The following MAU2 variants were observed in gnomAD, a reference collection of about 807,000 sequenced individuals.
The protein encoded by MAU2 is MAU2 sister chromatid cohesion factor, also known as MAU2 chromatid cohesion factor homolog.
Under a neutral mutation model 89.1 loss-of-function variants are expected in MAU2, and 9 were observed. That is an observed-to-expected ratio of 0.10 (90% CI 0.06 to 0.18). The LOEUF is 0.18. Ranked by LOEUF, MAU2 falls within the 10% of genes least tolerant of loss-of-function variation. The probability of loss-of-function intolerance (pLI) is 1.00; values close to 1 mark genes in which losing one functional copy is unlikely to be tolerated. For missense variants in MAU2, 425 were observed against 803.5 expected (o/e 0.53, Z 5.69); for synonymous variants, 357 against 343.4 (o/e 1.04, Z -0.44).
chr19:19,334,078 C>T lies in MAU2; in HGVS notation c.277-1640C>T, dbSNP rs1035739077. On this transcript the variant is annotated intron_variant, in intron 1 of 18. Transcript: ENST00000262815. ...CTTCCAGAGCTTCTTGTGTTAGACCCGGCTTCTCAGTGGGATGCAGCAGCT... is the reference window on the plus strand; with the variant it reads ...CTTCCAGAGCTTCTTGTGTTAGACCTGGCTTCTCAGTGGGATGCAGCAGCT... 3.7e-5 allele frequency: 28 copies of T among 747,866 alleles called. No individual in the cohort carries two copies. In the South Asian group the frequency reaches 9.0e-4, roughly 24 times the overall value. 46.3% of individuals were successfully genotyped at this position (747,866 alleles called of 1,614,324 possible). A position where few individuals can be genotyped will look rare whatever the true frequency, so the allele number is the denominator to read the frequency against.
chr19:19,332,588 G>A (rs1016844751), intron 1 of MAU2, among the ~76,000 whole-genome samples: 9 of 95,848 alleles, frequency 9.4e-5, no homozygotes, highest in Admixed American at 2.1e-4. Flanking sequence ...ACCCACTGAC[G>A]CTAGTGGACG....
At position 19,336,132 on chromosome 19, in the gene MAU2, T is replaced by C; in HGVS notation, c.305T>C (p.Phe102Ser). The change falls in exon 3 of 19, where the codon TTC becomes TCC. Residue 102 changes from phenylalanine to serine, a missense_variant. Coordinates refer to ENST00000262815, the MANE Select transcript of MAU2 (RefSeq NM_015329.4). ...AWLISQQIPQ[F>S]EDVKFEAASL... ...ACTGGACGTCACTAGATCCCGCAGTTCGAAGATGTTAAATTTGAAGCAGCA... is the reference window on the plus strand; with the variant it reads ...ACTGGACGTCACTAGATCCCGCAGTCCGAAGATGTTAAATTTGAAGCAGCA... 1 of 1,613,040 alleles carries C rather than the reference T, an allele frequency of 6.2e-7. No individual in the cohort carries two copies. Among genetic ancestry groups the C allele is most frequent in the Non-Finnish European group, 8.5e-7 (1 of 1,179,204 alleles).
chr19:19,329,020 G>T (rs1480608692), intron 1 of MAU2: 2 of 456,024 alleles, frequency 4.4e-6, no homozygotes, highest in Admixed American at 4.7e-5. Flanking sequence ...GCTCCAGACT[G>T]TGCTGGTCAG....
chr19:19,325,004 T>A (rs1002202850), intron 1 of MAU2, among the ~76,000 whole-genome samples: 16 of 152,166 alleles, frequency 1.1e-4, no homozygotes, highest in African/African-American at 3.6e-4. Flanking sequence ...TCGTATGTTC[T>A]CCGCTTAGAG....
intron 1 of MAU2, chr19:19,334,332 G>C (rs1057448916): frequency 6.3e-5 from 62 of 985,702 alleles, no homozygotes; most frequent in African/African-American, 1.4e-4. Flanking sequence ...CTGGGCTCCT[G>C]CGTGTGGGTG....
chr19:19,349,106 C>G, intron 14 of MAU2, 49 bp from the exon 15 acceptor site: 1 of 1,607,758 alleles, frequency 6.2e-7, no homozygotes, highest in Non-Finnish European at 8.5e-7. Flanking sequence ...GTTTTGTAAA[C>G]CTGCTTCTCA....
intron 16 of MAU2, chr19:19,353,883 T>G (rs2061763654): frequency 5.5e-6 from 1 of 181,706 alleles, no homozygotes. Flanking sequence ...ATTGGAGGAT[T>G]CTTACATGCT....
At chr19:19,343,677 C>T (rs2061671151) in intron 9 of MAU2, among the ~76,000 whole-genome samples, 160 bp from the exon 10 acceptor site, 1 of 152,226 alleles carries the variant, frequency 6.6e-6, no homozygotes, top group Non-Finnish European at 1.5e-5. Context: ...CAGCAAGACA[C>T]ACTCCTTCAC....
chr19:19,327,121 CTTTTTT>C lies in MAU2; in HGVS notation c.276+6000_276+6005del, dbSNP rs768273058. 1.1e-4 allele frequency among the ~76,000 whole-genome samples: 13 copies of C among 114,276 alleles called. No individual in the cohort carries two copies. In the Admixed American group the frequency reaches 1.2e-3, roughly 11 times the overall value. 75.0% of individuals were successfully genotyped at this position (114,276 alleles called of 152,430 possible). ...CCACCACACACAGCCTCCCCAGGAG[CTTTTTT>C]TTTTTTTTTTTTTAGATGGACTCTC... On this transcript the variant is annotated intron_variant, in intron 1 of 18. Coordinates refer to ENST00000262815, the MANE Select transcript of MAU2 (RefSeq NM_015329.4).
intron 1 of MAU2, 32 bp downstream of exon 1, chr19:19,321,167 C>G (rs1443979049): frequency 1.3e-6 from 2 of 1,550,288 alleles, no homozygotes; most frequent in Admixed American, 3.7e-5. Context: ...AGGGAGGAGT[C>G]GCGGGCTCCT....
rs542562979 is a variant in MAU2 at position 19,321,297 on chromosome 19, G to A, written c.276+162G>A. On this transcript the variant is annotated intron_variant, in intron 1 of 18. Transcript: ENST00000262815. ...CCACCCGCCTCTGCCGGACCCCAAA[G>A]CCACCAGCCTCTCAAGGGACACGAA... 2.0e-5 allele frequency among the ~76,000 whole-genome samples: 3 copies of A among 152,310 alleles called. No homozygotes were observed. In the East Asian group the frequency reaches 5.8e-4, roughly 29 times the overall value.
rs558052710 is a variant in MAU2 at position 19,357,410 on chromosome 19, G to C, written c.*1628G>C. On this transcript the variant is annotated 3_prime_UTR_variant, in exon 19 of 19. Coordinates refer to ENST00000262815, the MANE Select transcript of MAU2 (RefSeq NM_015329.4). Reference sequence around the variant, plus strand: ...TGTCCTGTCTTCCTCCCGAGCCATGGCCTCTGCTAGCTCCACCTTGAAGGA... The same window carrying C: ...TGTCCTGTCTTCCTCCCGAGCCATGCCCTCTGCTAGCTCCACCTTGAAGGA... The C allele has an allele frequency of 1.3e-5, 2 of 152,600 alleles. No individual in the cohort carries two copies. The highest frequency in any genetic ancestry group is 3.9e-4 in the East Asian group (2 of 5,164). 9.5% of individuals were successfully genotyped at this position (152,600 alleles called of 1,614,324 possible).
chr19:19,329,035 T>C, intron 1 of MAU2: 1 of 456,074 alleles, frequency 2.2e-6, no homozygotes. Flanking sequence ...GGTCAGATAC[T>C]TAATTCTGCA....
intron 8 of MAU2, 30 bp downstream of exon 8, chr19:19,342,711 C>T (rs768203707): frequency 1.2e-5 from 20 of 1,612,512 alleles, no homozygotes; most frequent in East Asian, 6.7e-5. Flanking sequence ...CGGGCCAGGG[C>T]TGGGGGCGGG....
At position 19,342,591 on chromosome 19, in the gene MAU2, C is replaced by G; in HGVS notation, c.792C>G (p.Ser264=). 4 of 1,612,672 alleles carry G rather than the reference C, an allele frequency of 2.5e-6. No individual in the cohort carries two copies. The South Asian group carries it at 4.4e-5, about 18-fold the overall frequency. The change falls in exon 8 of 19, where the codon TCC becomes TCG. Residue 264 remains serine (S), a synonymous_variant. Transcript: ENST00000262815. ...KQLQQCIQTI[S]TLHDDEILPS... ...TGCAGCAGTGCATCCAGACCATCTC[C>G]ACACTGCACGATGATGAGATCCTGC...
At chr19:19,326,184 C>T (rs2061502745) in intron 1 of MAU2, among the ~76,000 whole-genome samples, 1 of 151,808 alleles carries the variant, frequency 6.6e-6, no homozygotes, top group South Asian at 2.1e-4. Flanking sequence ...CATTTTAAGT[C>T]GTCTAGAAAG....
intron 5 of MAU2, 43 bp from the exon 6 acceptor site, chr19:19,340,803 T>C (rs754594028): frequency 2.5e-6 from 4 of 1,610,508 alleles, no homozygotes; most frequent in Non-Finnish European, 2.5e-6. Context: ...CCCAGGAGGC[T>C]CCTGGGCCTG....
intron 1 of MAU2, among the ~76,000 whole-genome samples, chr19:19,328,642 C>T (rs947232944): frequency 2.0e-5 from 3 of 152,010 alleles, no homozygotes; most frequent in African/African-American, 7.2e-5. Flanking sequence ...AGGATGGTTT[C>T]GATCTCCTGA....
intron 1 of MAU2, among the ~76,000 whole-genome samples, chr19:19,327,577 G>A (rs887132032): frequency 3.3e-5 from 5 of 151,972 alleles, no homozygotes; most frequent in African/African-American, 9.7e-5. Context: ...CACCCGCCTC[G>A]ACCTGCCAAA....
Sources: gnomAD v4.1 joint callset for allele counts (sites outside exome capture counted in the v4.1 genomes callset) on GRCh38, gnomAD v4.1.1 for gene constraint, MANE v1.5 for transcripts, NCBI Gene and HGNC (gene_info 2026-07-23, HGNC 2026-07-21) for gene names.